The following NT5E variants were observed in gnomAD, a reference collection of about 807,000 sequenced individuals.
NT5E encodes 5'-nucleotidase ecto.
A neutral mutation model predicts 55.1 loss-of-function variants in NT5E; 53 were observed. The ratio of observed to expected loss-of-function variants is 0.96; its 90% CI spans 0.77 to 1.21. NT5E has a LOEUF of 1.21. Ranked by LOEUF, NT5E falls within the 50% of genes most tolerant of loss-of-function variation. The pLI is 0.00. For synonymous variants in NT5E, 270 were observed against 278.4 expected (o/e 0.97, Z 0.30); for missense variants, 683 against 724.3 (o/e 0.94, Z 0.65).
chr6:85,477,480 C>CA (rs568653537), intron 3 of NT5E, among the ~76,000 whole-genome samples: 47 of 152,170 alleles, frequency 3.1e-4, no homozygotes, highest in Admixed American at 7.2e-4. Flanking sequence ...ATGGAGCTTG[C>CA]AATATAATTA....
In NT5E at chr6:85,463,307, A is replaced by C. The variant is rs111388806; in HGVS notation, c.340-3753A>C. 6.3e-3 allele frequency among the ~76,000 whole-genome samples: 953 copies of C among 152,296 alleles called. 6 individuals are homozygous for C. Among genetic ancestry groups the C allele is most frequent in the African/African-American group, 0.022 (906 of 41,544 alleles). ...TCATAGGGATAGAATTAGTGAAGGA[A>C]TAGGGTTCGTGAATGAATGAGCTCA... On this transcript the variant is annotated intron_variant, in intron 1 of 8. Coordinates refer to ENST00000257770, the MANE Select transcript of NT5E (RefSeq NM_002526.4).
intron 8 of NT5E, among the ~76,000 whole-genome samples, chr6:85,493,369 C>A (rs1016596819): frequency 1.3e-5 from 2 of 152,086 alleles, no homozygotes; most frequent in Admixed American, 6.5e-5. Flanking sequence ...GGGTTCCCAA[C>A]AAACATGGGT....
chr6:85,462,960 A>G (rs1342782331), intron 1 of NT5E, among the ~76,000 whole-genome samples: 1 of 152,188 alleles, frequency 6.6e-6, no homozygotes, highest in Non-Finnish European at 1.5e-5. Flanking sequence ...AGTTACCTTT[A>G]TATTTCTACT....
chr6:85,493,929 A>G lies in NT5E; in HGVS notation c.1650A>G (p.Thr550=). ...TTGAAGGTCGGATCAAGTTTTCCAC[A>G]GGAAGTCACTGCCATGGAAGCTTTT... is the stretch of plus-strand genomic sequence containing the variant. ...PAVEGRIKFS[T]GSHCHGSFSL... Residue 550 remains threonine (T), a synonymous_variant, in exon 9 of 9, where the codon ACA becomes ACG. Transcript: ENST00000257770. 1 of 1,614,112 alleles carries G rather than the reference A, an allele frequency of 6.2e-7. No individual in the cohort carries two copies. Among genetic ancestry groups the G allele is most frequent in the Non-Finnish European group, 8.5e-7 (1 of 1,179,966 alleles).
At chr6:85,473,016 C>A (rs1221049869) in intron 3 of NT5E, among the ~76,000 whole-genome samples, 2 of 152,094 alleles carry the variant, frequency 1.3e-5, no homozygotes. Flanking sequence ...TCAAGAACAG[C>A]CCCAGGCACA....
At chr6:85,468,890 T>G (rs1769247915) in intron 2 of NT5E, among the ~76,000 whole-genome samples, 1 of 152,178 alleles carries the variant, frequency 6.6e-6, no homozygotes, top group Admixed American at 6.5e-5. Context: ...AAAGTGACAC[T>G]GCTGTTTCCA....
At chr6:85,487,902 G>A (rs1769701248) in intron 5 of NT5E, among the ~76,000 whole-genome samples, 1 of 152,166 alleles carries the variant, frequency 6.6e-6, no homozygotes, top group African/African-American at 2.4e-5. Flanking sequence ...TTTATTTTAA[G>A]GTGTTCTTAG....
chr6:85,482,560 T>C (rs962597426), intron 3 of NT5E, among the ~76,000 whole-genome samples: 3 of 152,186 alleles, frequency 2.0e-5, no homozygotes, highest in African/African-American at 7.2e-5. Context: ...TTGAGGTTCC[T>C]TCAAGCACCC....
Position 85,489,611 on chromosome 6 carries a change from G to A in NT5E, c.1210+12G>A, listed in dbSNP as rs9450284. The A allele has an allele frequency of 1.3e-6, 2 of 1,587,882 alleles. No individual in the cohort carries two copies. Among genetic ancestry groups the A allele is most frequent in the Non-Finnish European group, 1.7e-6 (2 of 1,157,478 alleles). On this transcript the variant is annotated intron_variant, in intron 6 of 8. Coordinates refer to ENST00000257770, the MANE Select transcript of NT5E (RefSeq NM_002526.4). ...TGAACGCAACAATGGTATGCTCCCA[G>A]GCCCAGCTCCTCAGTGTGTCATGTT... is the stretch of plus-strand genomic sequence containing the variant.
rs1769873478 is a variant in NT5E at position 85,495,490 on chromosome 6, A to G, written c.*1486A>G. 6.6e-6 allele frequency: 1 copy of G among 152,220 alleles called. No individual in the cohort carries two copies. Among genetic ancestry groups the G allele is most frequent in the African/African-American group, 2.4e-5 (1 of 41,442 alleles). The allele number at this position is 152,220 out of a possible 1,614,324, so 9.4% of individuals were successfully genotyped here. ...CTCTTGATACAAAATATACTTTTAA[A>G]CTTCATAACCTTTTTATAAAAGTTG... On this transcript the variant is annotated 3_prime_UTR_variant, in exon 9 of 9. Coordinates refer to ENST00000257770, the MANE Select transcript of NT5E (RefSeq NM_002526.4).
rs1769856472 is a variant in NT5E at position 85,494,748 on chromosome 6, G to GCTGTAGTAGATAATGAGAA, written c.*744_*745insCTGTAGTAGATAATGAGAA. ...ACACCCATGTGCCTTTGATGAGTCA[G>GCTGTAGTAGATAATGAGAA]GTAGCAAGCTGTAGTAGATAATGAG... On this transcript the variant is annotated 3_prime_UTR_variant, in exon 9 of 9. Transcript: ENST00000257770. 6.6e-6 allele frequency: 1 copy of GCTGTAGTAGATAATGAGAA among 152,224 alleles called. No homozygotes were observed. 9.4% of individuals were successfully genotyped at this position (152,224 alleles called of 1,614,324 possible).
intron 3 of NT5E, among the ~76,000 whole-genome samples, chr6:85,483,130 G>A (rs1365876265): frequency 2.0e-5 from 3 of 152,202 alleles, no homozygotes; most frequent in African/African-American, 7.2e-5. Flanking sequence ...TTCTTTTTAA[G>A]CTCAGATATT....
intron 3 of NT5E, among the ~76,000 whole-genome samples, chr6:85,480,810 C>A (rs1243937289): frequency 6.6e-6 from 1 of 152,170 alleles, no homozygotes; most frequent in Non-Finnish European, 1.5e-5. Flanking sequence ...TTGATTTAAA[C>A]CACTAATCAA....
intron 1 of NT5E, among the ~76,000 whole-genome samples, chr6:85,464,067 ATTT>A (rs67527174): frequency 0.19 from 18,695 of 98,418 alleles, 1,636 homozygotes; most frequent in African/African-American, 0.3. Flanking sequence ...GTAGTTAGGA[ATTT>A]TTTTTTTTTT....
chr6:85,463,698 C>T (rs1769136680), intron 1 of NT5E, among the ~76,000 whole-genome samples: 1 of 152,134 alleles, frequency 6.6e-6, no homozygotes, highest in African/African-American at 2.4e-5. Context: ...TAAACTAGAT[C>T]AATGCATTTA....
At chr6:85,476,655 T>C (rs1769443805) in intron 3 of NT5E, among the ~76,000 whole-genome samples, 1 of 152,132 alleles carries the variant, frequency 6.6e-6, no homozygotes, top group Admixed American at 6.5e-5. Flanking sequence ...AGATGGTGAA[T>C]GTGGAGAACT....
In NT5E at chr6:85,495,144, T is replaced by C. The variant is rs979207422; in HGVS notation, c.*1140T>C. The C allele has an allele frequency of 2.0e-5, 3 of 152,232 alleles. No individual in the cohort carries two copies. Among genetic ancestry groups the C allele is most frequent in the Non-Finnish European group, 2.9e-5 (2 of 68,058 alleles). 9.4% of individuals were successfully genotyped at this position (152,232 alleles called of 1,614,324 possible). ...AGTTCTCGAAGAAAATAAATGACTTTAGGAAGAGGTATACATTTTTTAAGT... is the reference window on the plus strand; with the variant it reads ...AGTTCTCGAAGAAAATAAATGACTTCAGGAAGAGGTATACATTTTTTAAGT... On this transcript the variant is annotated 3_prime_UTR_variant, in exon 9 of 9. Transcript: ENST00000257770.
At chr6:85,456,754 C>T (rs1157806281) in intron 1 of NT5E, among the ~76,000 whole-genome samples, 1 of 152,156 alleles carries the variant, frequency 6.6e-6, no homozygotes, top group Admixed American at 6.5e-5. Context: ...TCCACGGGAA[C>T]CAGCTGCAAA....
intron 7 of NT5E, chr6:85,491,317 A>C: frequency 3.0e-6 from 1 of 335,186 alleles, no homozygotes; most frequent in East Asian, 8.2e-5. Context: ...ATCTTATTTT[A>C]CCTGGAAATC....
Sources: gnomAD v4.1 joint callset for allele counts (sites outside exome capture counted in the v4.1 genomes callset) on GRCh38, gnomAD v4.1.1 for gene constraint, MANE v1.5 for transcripts, NCBI Gene and HGNC (gene_info 2026-07-23, HGNC 2026-07-21) for gene names.